Variants in PPP3CB observed in about 807,000 individuals in gnomAD.
The protein encoded by PPP3CB is protein phosphatase 3 catalytic subunit beta.
In PPP3CB, 8 loss-of-function variants were observed where a neutral mutation model predicts 66.4. That is an observed-to-expected ratio of 0.12 (90% CI 0.07 to 0.22). The LOEUF is 0.22. PPP3CB is among the 10% of genes least tolerant of loss of function. The pLI is 1.00. For synonymous variants in PPP3CB, 208 were observed against 221.2 expected, an observed-to-expected ratio of 0.94 and a Z score of 0.53; for missense variants, 319 against 642.5, an observed-to-expected ratio of 0.50 and a Z score of 5.44.
intron 10 of PPP3CB, among the ~76,000 whole-genome samples, chr10:73,452,444 C>T (rs1264900761): frequency 3.3e-5 from 5 of 152,088 alleles, no homozygotes; most frequent in African/African-American, 4.8e-5. Flanking sequence ...GCCTGTAATC[C>T]TAACACTTTG....
At chr10:73,457,260 GAAAAAAAAAAAAAA>G (rs35129439) in intron 9 of PPP3CB, among the ~76,000 whole-genome samples, 38 of 69,034 alleles carry the variant, frequency 5.5e-4, no homozygotes, top group Middle Eastern at 0.013. Flanking sequence ...CTCTAAAAAA[GAAAAAAAAAAAAAA>G]AAAAAAAAAA....
chr10:73,461,338 T>C (rs1280699345), intron 9 of PPP3CB, among the ~76,000 whole-genome samples: 1 of 151,990 alleles, frequency 6.6e-6, no homozygotes, highest in East Asian at 1.9e-4. Context: ...TCCCAGCTAT[T>C]TGGGGGTCTG....
chr10:73,484,517 C>T (rs1318418853), intron 1 of PPP3CB, among the ~76,000 whole-genome samples: 1 of 151,548 alleles, frequency 6.6e-6, no homozygotes, highest in Non-Finnish European at 1.5e-5. Flanking sequence ...GTGTTCTGCC[C>T]GCCTCGGCCT....
intron 1 of PPP3CB, among the ~76,000 whole-genome samples, chr10:73,495,061 G>A (rs374053450): frequency 6.6e-6 from 1 of 152,222 alleles, no homozygotes; most frequent in African/African-American, 2.4e-5. Context: ...TTTTCGTCTA[G>A]GATGAATGTG....
chr10:73,475,623 T>C (rs1022321949), intron 3 of PPP3CB, among the ~76,000 whole-genome samples: 3 of 152,244 alleles, frequency 2.0e-5, no homozygotes, highest in African/African-American at 4.8e-5. Flanking sequence ...GTTTTATGTT[T>C]GTTTCATTGA....
rs753901304 is a variant in PPP3CB, at chr10:73,471,174, T to C, written c.705A>G (p.Pro235=). 1.2e-6 allele frequency: 2 copies of C among 1,609,354 alleles called. No homozygotes were observed. ...GATCGGACCATAACAAGTCACACAT[T>C]GGTCCAAATGCAGGTGGCTCTTTGA... The part of the protein sequence containing the change: ...DRFKEPPAFG[P]MCDLLWSDPS... The change falls in exon 6 of 14, where the codon CCA becomes CCG. Residue 235 remains proline (P), a synonymous_variant. Transcript: ENST00000360663.
At chr10:73,484,211 G>C (rs2056932438) in intron 1 of PPP3CB, among the ~76,000 whole-genome samples, 1 of 151,672 alleles carries the variant, frequency 6.6e-6, no homozygotes, top group African/African-American at 2.4e-5. Flanking sequence ...TTTCCATATA[G>C]TTTTCAGGCT....
At chr10:73,451,198 T>G (rs2056339107) in intron 10 of PPP3CB, among the ~76,000 whole-genome samples, 1 of 151,760 alleles carries the variant, frequency 6.6e-6, no homozygotes, top group African/African-American at 2.4e-5. Context: ...ATAATAACTT[T>G]TAAAGAATAA....
At chr10:73,488,900 T>C (rs1028941201) in intron 1 of PPP3CB, among the ~76,000 whole-genome samples, 2 of 152,208 alleles carry the variant, frequency 1.3e-5, no homozygotes, top group Non-Finnish European at 2.9e-5. Flanking sequence ...GTTCAAGTTC[T>C]TATCATTTAC....
chr10:73,463,023 T>C (rs2056552962), intron 9 of PPP3CB, among the ~76,000 whole-genome samples: 1 of 141,340 alleles, frequency 7.1e-6, no homozygotes, highest in African/African-American at 2.7e-5. Context: ...CCAATGAACA[T>C]GAAGAACAGC....
intron 1 of PPP3CB, among the ~76,000 whole-genome samples, chr10:73,487,570 A>AAG (rs2057001545): frequency 6.6e-6 from 1 of 150,726 alleles, no homozygotes; most frequent in Non-Finnish European, 1.5e-5. Context: ...AAACCAAAAA[A>AAG]AAAAAAAAAA....
rs774219136 is a variant in PPP3CB at position 73,471,479 on chromosome 10, C to T, written c.658G>A (p.Asp220Asn). 1.2e-6 allele frequency: 2 copies of T among 1,608,108 alleles called. No homozygotes were observed. Among genetic ancestry groups the T allele is most frequent in the Non-Finnish European group, 1.7e-6 (2 of 1,177,800 alleles). The change falls in exon 5 of 14, where the codon GAT (aspartate) becomes AAT (asparagine). Residue 220 changes from aspartate to asparagine, a missense_variant. Transcript: ENST00000360663. ...GLSPEIHTLD[D>N]IRRLDRFKEP... ...AAATATATACTTACTCTCCTAATAT[C>T]ATCCAGTGTGTGTATTTCTGGTGAA... is the stretch of plus-strand genomic sequence containing the variant.
At chr10:73,485,395 G>A (rs1215113384) in intron 1 of PPP3CB, among the ~76,000 whole-genome samples, 1 of 152,174 alleles carries the variant, frequency 6.6e-6, no homozygotes, top group Non-Finnish European at 1.5e-5. Flanking sequence ...GGAAACCTGA[G>A]AATTAACTGA....
At chr10:73,493,548 T>A (rs1346914520) in intron 1 of PPP3CB, among the ~76,000 whole-genome samples, 3 of 152,174 alleles carry the variant, frequency 2.0e-5, no homozygotes, top group Non-Finnish European at 4.4e-5. Flanking sequence ...AATTTAAAAG[T>A]GAATTTCTGG....
intron 9 of PPP3CB, among the ~76,000 whole-genome samples, chr10:73,466,027 AC>A (rs1333961245): frequency 6.6e-6 from 1 of 152,182 alleles, no homozygotes; most frequent in Admixed American, 6.5e-5. Flanking sequence ...CAATGGAAAA[AC>A]TAAAGATCAC....
chr10:73,493,072 G>C (rs564708870), intron 1 of PPP3CB, among the ~76,000 whole-genome samples: 1 of 152,040 alleles, frequency 6.6e-6, no homozygotes, highest in African/African-American at 2.4e-5. Context: ...TCAGGAGTTT[G>C]AGACCAGCCT....
chr10:73,471,740 G>C, intron 4 of PPP3CB, 127 bp from the exon 5 acceptor site: 2 of 720,568 alleles, frequency 2.8e-6, no homozygotes, highest in Non-Finnish European at 4.3e-6. Context: ...TATTTATAAT[G>C]AAATTGAGAT....
intron 1 of PPP3CB, among the ~76,000 whole-genome samples, chr10:73,495,287 T>C (rs972231140): frequency 6.6e-6 from 1 of 152,216 alleles, no homozygotes; most frequent in African/African-American, 2.4e-5. Flanking sequence ...GGGTGGCACC[T>C]GACGGCCAAA....
intron 1 of PPP3CB, among the ~76,000 whole-genome samples, chr10:73,481,651 G>A: frequency 7.1e-6 from 1 of 141,664 alleles, no homozygotes. Context: ...AAAAAACTAG[G>A]TTAGATTCCT....
Sources: gnomAD v4.1 joint callset for allele counts (sites outside exome capture counted in the v4.1 genomes callset) on GRCh38, gnomAD v4.1.1 for gene constraint, MANE v1.5 for transcripts, NCBI Gene and HGNC (gene_info 2026-07-23, HGNC 2026-07-21) for gene names.